The following CEP83 variants were observed in gnomAD, a reference collection of about 807,000 sequenced individuals.
CEP83 encodes centrosomal protein 83, also known as centrosomal protein of 83 kDa.
A neutral mutation model predicts 101.9 loss-of-function variants in CEP83; 70 were observed. The observed-to-expected ratio is 0.69, with a 90% CI of 0.57 to 0.84. The LOEUF (loss-of-function observed/expected upper bound fraction) is 0.84, where lower values mean the gene tolerates loss of function less well. CEP83 is among the 40% of genes least tolerant of loss of function. CEP83 has a pLI of 0.00. For missense variants in CEP83, 715 were observed against 787.2 expected (o/e 0.91, Z 1.10); for synonymous variants, 264 against 267.9 (o/e 0.99, Z 0.14).
chr12:94,359,006 A>T (rs961985574), intron 11 of CEP83, among the ~76,000 whole-genome samples: 1 of 152,266 alleles, frequency 6.6e-6, no homozygotes, highest in African/African-American at 2.4e-5. Flanking sequence ...GGCATTCTTA[A>T]GCCACAAACA....
chr12:94,428,943 A>G (rs571734102), intron 2 of CEP83, among the ~76,000 whole-genome samples: 2 of 152,374 alleles, frequency 1.3e-5, no homozygotes, highest in South Asian at 4.1e-4. Flanking sequence ...AGAAATAAAT[A>G]AAAGAAAATC....
chr12:94,456,950 A>G (rs981645553), intron 1 of CEP83, among the ~76,000 whole-genome samples: 1 of 152,356 alleles, frequency 6.6e-6, no homozygotes, highest in East Asian at 1.9e-4. Context: ...TACAATAAAA[A>G]GTATAAGTAT....
At chr12:94,320,120 T>G (rs1396025056) in intron 14 of CEP83, among the ~76,000 whole-genome samples, 1 of 152,198 alleles carries the variant, frequency 6.6e-6, no homozygotes, top group Non-Finnish European at 1.5e-5. Flanking sequence ...TCTTTTTTGA[T>G]TTTTGTTGGT....
At chr12:94,335,702 T>C in intron 11 of CEP83, 38 bp from the exon 12 acceptor site, 1 of 1,312,908 alleles carries the variant, frequency 7.6e-7, no homozygotes, top group Non-Finnish European at 1.1e-6. Context: ...TTATTAAGAA[T>C]CCATGATTCA....
intron 14 of CEP83, among the ~76,000 whole-genome samples, chr12:94,313,927 A>G (rs1970264960): frequency 1.3e-5 from 2 of 152,338 alleles, no homozygotes; most frequent in South Asian, 2.1e-4. Context: ...AAACTGAAGG[A>G]TCAGAAAGCT....
At chr12:94,374,271 G>GA (rs1298808440) in intron 8 of CEP83, among the ~76,000 whole-genome samples, 7 of 152,154 alleles carry the variant, frequency 4.6e-5, no homozygotes, top group Admixed American at 2.0e-4. Context: ...TATACTTGGT[G>GA]GCCCCCCCAA....
At chr12:94,444,818 T>A (rs1282680997) in intron 1 of CEP83, among the ~76,000 whole-genome samples, 1 of 152,130 alleles carries the variant, frequency 6.6e-6, no homozygotes, top group African/African-American at 2.4e-5. Flanking sequence ...GGCAACATAG[T>A]GAGACTCTAT....
intron 14 of CEP83, among the ~76,000 whole-genome samples, chr12:94,329,429 GT>G (rs2059114550): frequency 2.6e-5 from 4 of 152,012 alleles, no homozygotes; most frequent in Non-Finnish European, 1.5e-5. Flanking sequence ...ACCATGCACA[GT>G]TTTTTCATGT....
At chr12:94,444,767 G>A (rs2066674658) in intron 1 of CEP83, among the ~76,000 whole-genome samples, 1 of 152,146 alleles carries the variant, frequency 6.6e-6, no homozygotes, top group South Asian at 2.1e-4. Context: ...GGAGGTCGAG[G>A]TGGGAGGCTC....
intron 14 of CEP83, among the ~76,000 whole-genome samples, chr12:94,321,228 G>A (rs138133040): frequency 1.3e-5 from 2 of 152,190 alleles, no homozygotes; most frequent in African/African-American, 4.8e-5. Flanking sequence ...GATCAGTTAG[G>A]TTCTTTTTTA....
intron 12 of CEP83, 92 bp downstream of exon 12, chr12:94,335,497 A>C: frequency 1.3e-6 from 1 of 777,684 alleles, no homozygotes; most frequent in Non-Finnish European, 2.1e-6. Flanking sequence ...GATTCTAAAA[A>C]TACTGATGGC....
In CEP83 at chr12:94,339,767, T is replaced by C. The variant is rs189135088; in HGVS notation, c.1344-4103A>G. Among the ~76,000 whole-genome samples the C allele has an allele frequency of 7.8e-4, 119 of 152,350 alleles. 1 individual carries two copies. Among genetic ancestry groups the C allele is most frequent in the Admixed American group, 2.0e-3 (30 of 15,304 alleles). ...GTTCTTGCTTGTGAGCACTGGAAAT[T>C]GACACTGGCCATTATTAGCAAAAAT... On this transcript the variant is annotated intron_variant, in intron 11 of 16. Transcript: ENST00000397809.
Position 94,411,724 on chromosome 12 carries a change from A to C in CEP83, c.297T>G (p.Thr99=). The part of the protein sequence containing the change: ...EELRGELVEK[T]KDLEEMKLQI... The stretch of plus-strand genomic sequence containing the variant: ...GCAGTTTCATTTCTTCTAAATCTTT[A>C]GTTTTCTCTACTAATTCTCCTCTTA... The change falls in exon 4 of 17, where the codon ACT becomes ACG. Residue 99 remains threonine (T), a synonymous_variant. Transcript: ENST00000397809. 1.2e-6 allele frequency: 2 copies of C among 1,602,948 alleles called. No individual in the cohort carries two copies. The highest frequency in any genetic ancestry group is 8.5e-7 in the Non-Finnish European group (1 of 1,176,138).
At chr12:94,402,569 C>T (rs887739113) in intron 5 of CEP83, among the ~76,000 whole-genome samples, 35 of 152,104 alleles carry the variant, frequency 2.3e-4, no homozygotes, top group African/African-American at 6.5e-4. Flanking sequence ...AAGTTTGCCA[C>T]GACGTATCTG....
chr12:94,333,045 C>CAAAAAAAAAAAAAAAAAA (rs34900007), intron 13 of CEP83, among the ~76,000 whole-genome samples: 1 of 73,174 alleles, frequency 1.4e-5, no homozygotes, highest in Non-Finnish European at 2.4e-5. Flanking sequence ...ATTTTAAGAC[C>CAAAAAAAAAAAAAAAAAA]AAAAAAAAAA....
chr12:94,346,528 T>C (rs922837018), intron 11 of CEP83, among the ~76,000 whole-genome samples: 5 of 151,980 alleles, frequency 3.3e-5, no homozygotes, highest in Non-Finnish European at 7.4e-5. Context: ...CTAGTAAATT[T>C]AGCTGAAAGA....
intron 8 of CEP83, among the ~76,000 whole-genome samples, chr12:94,371,094 T>C (rs1026529505): frequency 5.9e-5 from 9 of 152,314 alleles, no homozygotes; most frequent in African/African-American, 2.2e-4. Flanking sequence ...TAACATCACA[T>C]GGTCTGCTCT....
the CEP83 span, among the ~76,000 whole-genome samples, chr12:94,268,855 G>A: frequency 1.1e-3 from 163 of 152,128 alleles, no homozygotes; most frequent in Non-Finnish European, 1.8e-3. Flanking sequence ...TTGTCCTCCC[G>A]AAGTGCTGGG....
chr12:94,312,454 T>C (rs970228158), intron 15 of CEP83: 2 of 386,938 alleles, frequency 5.2e-6, no homozygotes, highest in South Asian at 2.2e-4. Context: ...CAACTTAATA[T>C]GACAAATCTC....
Sources: allele counts gnomAD v4.1 joint callset (sites outside exome capture counted in the v4.1 genomes callset), GRCh38; gene constraint gnomAD v4.1.1; transcripts MANE v1.5; gene names NCBI Gene and HGNC (gene_info 2026-07-23, HGNC 2026-07-21).